FAM153A: variants seen among roughly 807,000 people sequenced by gnomAD.
FAM153A encodes family with sequence similarity 153 member A, also known as protein FAM153A.
A neutral mutation model predicts 48.1 loss-of-function variants in FAM153A; 12 were observed. The observed-to-expected ratio is 0.25, with a 90% CI of 0.16 to 0.40. The LOEUF (loss-of-function observed/expected upper bound fraction) is 0.40, where lower values mean the gene tolerates loss of function less well. Ranked by LOEUF, FAM153A falls within the 10% of genes least tolerant of loss-of-function variation. The pLI is 1.00. For synonymous variants in FAM153A, 36 were observed against 118.2 expected (o/e 0.30, Z 4.51); for missense variants, 111 against 345.8 (o/e 0.32, Z 5.38).
In FAM153A at chr5:177,751,711, TGAA is replaced by T. The variant is rs1373214636; in HGVS notation, c.32-662_32-660del. 5.6e-5 allele frequency among the ~76,000 whole-genome samples: 8 copies of T among 141,682 alleles called. No homozygotes were observed. The Admixed American group carries it at 5.8e-4, about 10-fold the overall frequency. 92.9% of individuals were successfully genotyped at this position (141,682 alleles called of 152,430 possible). A position where few individuals can be genotyped will look rare whatever the true frequency, so the allele number is the denominator to read the frequency against. On this transcript the variant is annotated intron_variant, in intron 1 of 20. Coordinates refer to ENST00000614127, the Ensembl canonical transcript of FAM153A. Reference sequence around the variant, plus strand: ...GAGTTGACGGTTCAGGGAAGTGAAATGAAGAGATTTGAAGCGACCTGCCTAGGG... The same window carrying T: ...GAGTTGACGGTTCAGGGAAGTGAAATGAGATTTGAAGCGACCTGCCTAGGG...
downstream of FAM153A, among the ~76,000 whole-genome samples, chr5:177,709,137 G>GAA: frequency 1.4e-5 from 1 of 69,050 alleles, no homozygotes; most frequent in Non-Finnish European, 3.0e-5. Context: ...AAAAAAGAAA[G>GAA]AAAAGCCTAG....
intron 6 of FAM153A, 50 bp from the exon 9 acceptor site, chr5:177,741,382 C>T (rs1475643233): frequency 1.5e-5 from 9 of 591,276 alleles, no homozygotes; most frequent in South Asian, 5.7e-5. Context: ...TGAAGGAATC[C>T]GTCAGGCAGA....
upstream of FAM153A, chr5:177,782,670 C>CCCCCAATCCGTGATCCAAAT (rs1561964677): frequency 1.8e-4 from 4 of 22,330 alleles, no homozygotes; most frequent in South Asian, 1.8e-3. Context: ...GCGATCCAAA[C>CCCCCAATCCGTGATCCAAAT]CCCAATCCGT....
At chr5:177,699,268 TC>T in the FAM153A span, among the ~76,000 whole-genome samples, 1 of 151,200 alleles carries the variant, frequency 6.6e-6, no homozygotes, top group African/African-American at 2.5e-5. Flanking sequence ...AACTTAAACT[TC>T]CACTTTAAGA....
Position 177,753,097 on chromosome 5 carries a change from T to C in FAM153A, c.31+79A>G, listed in dbSNP as rs868440724. The C allele has an allele frequency of 4.9e-4, 527 of 1,077,232 alleles. 6 individuals are homozygous for C. The African/African-American group carries it at 7.6e-3, about 16-fold the overall frequency. The allele number at this position is 1,077,232 out of a possible 1,614,324, so 66.7% of individuals were successfully genotyped here. ...ATAGGAGCTGGGGAAATTAAAAAAA[T>C]CAGAATGACATTTAACATACAGGAA... On this transcript the variant is annotated intron_variant, in intron 1 of 20. Transcript: ENST00000614127.
At chr5:177,717,515 C>CTAAGA, downstream of FAM153A, among the ~76,000 whole-genome samples, 1 of 150,590 alleles carries the variant, frequency 6.6e-6, no homozygotes, top group South Asian at 2.1e-4. Context: ...TTGCCAGGGA[C>CTAAGA]TAAGATGTTC....
At chr5:177,764,395 G>T (rs1161538064) in intron 1 of FAM153A, among the ~76,000 whole-genome samples, 1 of 151,028 alleles carries the variant, frequency 6.6e-6, no homozygotes. Context: ...GGCGACTTCG[G>T]CTGGACCCGG....
At chr5:177,712,056 A>G (rs1232668013) in exon 27 of FAM153A, 2 of 151,956 alleles carry the variant, frequency 1.3e-5, no homozygotes, top group Admixed American at 1.3e-4. Flanking sequence ...CATGTCTGAT[A>G]AAGGGCTTAT....
chr5:177,758,010 A>G (rs1371487490), upstream of FAM153A, among the ~76,000 whole-genome samples: 1 of 151,908 alleles, frequency 6.6e-6, no homozygotes, highest in Non-Finnish European at 1.5e-5. Context: ...AAGGGTATTC[A>G]ATTAGGAAAA....
At chr5:177,725,619 C>G (rs1762263885) in intron 18 of FAM153A, among the ~76,000 whole-genome samples, 1 of 151,476 alleles carries the variant, frequency 6.6e-6, no homozygotes, top group Non-Finnish European at 1.5e-5. Flanking sequence ...GGGAAGGTAC[C>G]TGGAAGACCT....
At chr5:177,734,830 A>T (rs2127640195) in intron 13 of FAM153A, 33 bp downstream of exon 15, 2 of 1,580,128 alleles carry the variant, frequency 1.3e-6, no homozygotes, top group Middle Eastern at 1.7e-4. Flanking sequence ...AGAAAGCAAC[A>T]GTTTTTTCTC....
At chr5:177,703,600 G>A (rs1757637086), downstream of FAM153A, among the ~76,000 whole-genome samples, 1 of 148,000 alleles carries the variant, frequency 6.8e-6, no homozygotes, top group East Asian at 2.0e-4. Flanking sequence ...AATGTTTGAG[G>A]TCGGGCATGG....
At chr5:177,715,699 T>C (rs1397104996) in intron 25 of FAM153A, among the ~76,000 whole-genome samples, 1 of 151,626 alleles carries the variant, frequency 6.6e-6, no homozygotes, top group Non-Finnish European at 1.5e-5. Flanking sequence ...TTAAACACTT[T>C]TTTTGTTAGT....
downstream of FAM153A, among the ~76,000 whole-genome samples, chr5:177,703,632 A>C (rs1174966868): frequency 1.6e-5 from 2 of 125,776 alleles, no homozygotes; most frequent in African/African-American, 6.3e-5. Flanking sequence ...TGGACCATGG[A>C]GGCGGTTTCT....
downstream of FAM153A, among the ~76,000 whole-genome samples, chr5:177,708,319 T>G (rs150865136): frequency 0.24 from 32,741 of 137,164 alleles, 4,809 homozygotes; most frequent in South Asian, 0.33. Context: ...CTCATGCCTG[T>G]AATCCCAGCA....
At chr5:177,698,538 T>C in the FAM153A span, among the ~76,000 whole-genome samples, 4 of 151,884 alleles carry the variant, frequency 2.6e-5, no homozygotes, top group Non-Finnish European at 5.9e-5. Context: ...TTTGAAAATC[T>C]ATATACCTCC....
chr5:177,757,415 C>T (rs1382720250), upstream of FAM153A, among the ~76,000 whole-genome samples: 1 of 107,038 alleles, frequency 9.3e-6, no homozygotes, highest in Non-Finnish European at 2.0e-5. Flanking sequence ...GGAGCTGGTA[C>T]CATTCCTTCT....
At chr5:177,706,974 TAA>T (rs900230224), downstream of FAM153A, 1 of 151,868 alleles carries the variant, frequency 6.6e-6, no homozygotes, top group African/African-American at 2.4e-5. Context: ...TATAAAACGA[TAA>T]AGAGATCAAT....
At chr5:177,725,070 G>GCCCTCACATCC (rs1198293116) in intron 18 of FAM153A, among the ~76,000 whole-genome samples, 2 of 149,648 alleles carry the variant, frequency 1.3e-5, no homozygotes, top group Non-Finnish European at 3.0e-5. Flanking sequence ...CCATAACTGA[G>GCCCTCACATCC]CCAAGGGAGG....
Sources: allele counts gnomAD v4.1 joint callset (sites outside exome capture counted in the v4.1 genomes callset), GRCh38; gene constraint gnomAD v4.1.1; transcripts MANE v1.5; gene names NCBI Gene and HGNC (gene_info 2026-07-23, HGNC 2026-07-21).